Variants in BRI3 observed in about 807,000 individuals in gnomAD.
BRI3 encodes membrane protein BRI3.
Under a neutral mutation model 12.8 loss-of-function variants are expected in BRI3, and 6 were observed. The observed-to-expected ratio is 0.47, with a 90% CI of 0.26 to 0.93. BRI3 has a LOEUF of 0.93. BRI3 is among the 40% of genes least tolerant of loss of function. The pLI is 0.15. For missense variants in BRI3, 134 were observed against 171.1 expected (o/e 0.78, Z 1.21); for synonymous variants, 91 against 76.1 (o/e 1.20, Z -1.02).
At chr7:98,283,863 A>G (rs1212214244) in intron 2 of BRI3, among the ~76,000 whole-genome samples, 1 of 152,140 alleles carries the variant, frequency 6.6e-6, no homozygotes, top group Non-Finnish European at 1.5e-5. Flanking sequence ...GAGGTGAGAG[A>G]CCAGCGGCAG....
chr7:98,322,086 AC>A, the BRI3 span, among the ~76,000 whole-genome samples: 2 of 151,988 alleles, frequency 1.3e-5, 1 homozygote, highest in East Asian at 3.9e-4. Context: ...ACAGAGTGAG[AC>A]CCTGTCTCCC....
chr7:98,288,790 G>GTT (rs1554407364), intron 2 of BRI3, among the ~76,000 whole-genome samples: 1 of 151,778 alleles, frequency 6.6e-6, no homozygotes, highest in East Asian at 1.9e-4. Context: ...TTGTAGGGAG[G>GTT]GGTCTTTGTT....
chr7:98,294,127 A>G, downstream of BRI3: 3 of 1,612,814 alleles, frequency 1.9e-6, no homozygotes, highest in Non-Finnish European at 2.5e-6. Context: ...AGAAAGATAA[A>G]GAAGTTTATG....
chr7:98,306,360 A>G (rs1000079497), upstream of BRI3: 8 of 1,543,558 alleles, frequency 5.2e-6, no homozygotes, highest in East Asian at 4.5e-5. Context: ...CCTGCGACAC[A>G]GCTAGATGGT....
intron 2 of BRI3, 45 bp from the exon 3 acceptor site, chr7:98,291,066 C>G (rs1799927178): frequency 6.2e-7 from 1 of 1,611,092 alleles, no homozygotes; most frequent in Admixed American, 1.7e-5. Context: ...GTTCTGGCTG[C>G]CCGGGTCCTT....
chr7:98,282,068 C>T (rs2116692008), intron 1 of BRI3, 131 bp downstream of exon 1: 1 of 1,247,788 alleles, frequency 8.0e-7, no homozygotes, highest in South Asian at 2.1e-5. Flanking sequence ...GGGCTGGCTT[C>T]GGGACCCGGC....
exon 2 of BRI3, chr7:98,309,233 C>T (rs1346213327): frequency 2.6e-5 from 4 of 151,218 alleles, no homozygotes; most frequent in African/African-American, 9.8e-5. Flanking sequence ...TCACTGCAAC[C>T]TCTACCTCCT....
chr7:98,317,485 A>C, the BRI3 span: 28 of 1,254,030 alleles, frequency 2.2e-5, no homozygotes, highest in Non-Finnish European at 2.8e-5. Context: ...CACCATCCTC[A>C]CACTGGCTGG....
At chr7:98,293,564 C>T (rs200664023), downstream of BRI3, 153 of 1,613,654 alleles carry the variant, frequency 9.5e-5, no homozygotes, top group South Asian at 6.6e-5. Flanking sequence ...CACAGTCGGG[C>T]GGAGTTTCAC....
chr7:98,304,482 A>G (rs1047868943), upstream of BRI3: 5 of 1,074,330 alleles, frequency 4.7e-6, no homozygotes, highest in Admixed American at 4.7e-5. Flanking sequence ...TACATCACCA[A>G]TCAAAACCTG....
At chr7:98,298,288 G>A (rs557490455) in intron 1 of BRI3, among the ~76,000 whole-genome samples, 3 of 151,812 alleles carry the variant, frequency 2.0e-5, no homozygotes, top group Admixed American at 1.3e-4. Context: ...CACAGGAGCT[G>A]GATATAAAAC....
downstream of BRI3, chr7:98,312,317 G>C: frequency 6.5e-7 from 1 of 1,534,424 alleles, no homozygotes; most frequent in Non-Finnish European, 8.8e-7. Context: ...CTGAAGAGCT[G>C]AGAAAAATGA....
At chr7:98,287,041 C>T (rs978919889) in intron 2 of BRI3, among the ~76,000 whole-genome samples, 4 of 152,182 alleles carry the variant, frequency 2.6e-5, no homozygotes, top group Admixed American at 2.0e-4. Context: ...CTCGGGCCTT[C>T]GAAGCCCGTT....
upstream of BRI3, among the ~76,000 whole-genome samples, chr7:98,305,682 C>G (rs1182186349): frequency 6.6e-6 from 1 of 152,152 alleles, no homozygotes; most frequent in African/African-American, 2.4e-5. Flanking sequence ...CTCCATCTCC[C>G]AAAGTGCTGG....
chr7:98,307,681 A>G (rs780121332), exon 2 of BRI3: 1 of 1,613,608 alleles, frequency 6.2e-7, no homozygotes, highest in Admixed American at 1.7e-5. Context: ...CATCACGCCC[A>G]GACTTACGCC....
downstream of BRI3, chr7:98,312,029 G>C (rs1320387366): frequency 1.3e-6 from 2 of 1,483,580 alleles, no homozygotes; most frequent in African/African-American, 2.8e-5. Flanking sequence ...CACCAACACA[G>C]GCAAATTTGG....
At chr7:98,314,580 C>T (rs1010251676), downstream of BRI3, among the ~76,000 whole-genome samples, 3 of 152,166 alleles carry the variant, frequency 2.0e-5, no homozygotes, top group African/African-American at 7.2e-5. Flanking sequence ...AACCTCACAG[C>T]TGTGTGTGTT....
chr7:98,312,819 G>C (rs1281411072), downstream of BRI3, among the ~76,000 whole-genome samples: 1 of 152,214 alleles, frequency 6.6e-6, no homozygotes, highest in African/African-American at 2.4e-5. Context: ...AGGTTTTGCA[G>C]AGCAGACCTG....
chr7:98,288,788 A>AGGTTGGATGGGG lies in BRI3; in HGVS notation c.246-2321_246-2320insTTGGATGGGGGG, dbSNP rs11275179. Among the ~76,000 whole-genome samples the AGGTTGGATGGGG allele has an allele frequency of 6.6e-5, 10 of 150,682 alleles. No homozygotes were observed. The Middle Eastern group carries it at 0.014, about 209-fold the overall frequency. ...TGGCTAATTTTAAATTTTTGTAGGG[A>AGGTTGGATGGGG]GGGGTCTTTGTTGCCCAGGCTGGTT... On this transcript the variant is annotated intron_variant, in intron 2 of 2. Coordinates refer to ENST00000297290, the MANE Select transcript of BRI3 (RefSeq NM_015379.5).
Sources: allele counts gnomAD v4.1 joint callset (sites outside exome capture counted in the v4.1 genomes callset), GRCh38; gene constraint gnomAD v4.1.1; transcripts MANE v1.5; gene names NCBI Gene and HGNC (gene_info 2026-07-23, HGNC 2026-07-21).